The following TTLL7 variants were observed in gnomAD, a reference collection of about 807,000 sequenced individuals.
TTLL7 encodes tubulin polyglutamylase TTLL7.
TTLL7 carries 53 observed loss-of-function variants against 120.2 expected under a neutral mutation model. The observed-to-expected ratio is 0.44, with a 90% confidence interval of 0.35 to 0.55. The LOEUF (loss-of-function observed/expected upper bound fraction) is 0.55. Among genes scored for constraint, TTLL7 ranks in the 20% least tolerant of loss-of-function variants. TTLL7 has a pLI of 0.00. For missense variants in TTLL7, 803 were observed against 1,054.7 expected (o/e 0.76, Z 3.31); for synonymous variants, 353 against 351.7 (o/e 1.00, Z -0.04).
At chr1:83,952,095 TC>T in intron 2 of TTLL7, 91 bp downstream of exon 2, 1 of 1,501,734 alleles carries the variant, frequency 6.7e-7, no homozygotes, top group Non-Finnish European at 9.2e-7. Flanking sequence ...CTTTAAAAAG[TC>T]CCCAATTAAT....
chr1:83,932,735 A>C (rs2100821681), intron 9 of TTLL7, among the ~76,000 whole-genome samples: 1 of 152,250 alleles, frequency 6.6e-6, no homozygotes, highest in African/African-American at 2.4e-5. Context: ...AAAAAGAGAG[A>C]TACTTGATTT....
chr1:83,992,349 G>A (rs747808717), intron 1 of TTLL7, among the ~76,000 whole-genome samples: 11 of 151,804 alleles, frequency 7.2e-5, no homozygotes, highest in Non-Finnish European at 1.3e-4. Flanking sequence ...TAACTAAGGG[G>A]GAAGCTGATG....
chr1:83,991,059 T>G (rs1357484772), intron 1 of TTLL7, among the ~76,000 whole-genome samples: 1 of 152,166 alleles, frequency 6.6e-6, no homozygotes, highest in Non-Finnish European at 1.5e-5. Context: ...TGGATGAACT[T>G]GGAGGACATT....
At chr1:83,884,593 A>G (rs1654810682) in intron 19 of TTLL7, among the ~76,000 whole-genome samples, 1 of 151,678 alleles carries the variant, frequency 6.6e-6, no homozygotes, top group Non-Finnish European at 1.5e-5. Flanking sequence ...AATGTTCAGG[A>G]CTAAATATAA....
intron 10 of TTLL7, among the ~76,000 whole-genome samples, chr1:83,928,436 A>C (rs1230365571): frequency 6.6e-6 from 1 of 152,158 alleles, no homozygotes; most frequent in African/African-American, 2.4e-5. Flanking sequence ...TCAGTCAAAC[A>C]TCTAAAAAAT....
At chr1:83,894,663 T>C (rs577149314) in intron 18 of TTLL7, among the ~76,000 whole-genome samples, 34 of 152,150 alleles carry the variant, frequency 2.2e-4, no homozygotes, top group African/African-American at 7.5e-4. Context: ...ATGCTTCTGC[T>C]CCATTCCTAA....
intron 1 of TTLL7, among the ~76,000 whole-genome samples, chr1:83,975,101 T>C (rs1651343191): frequency 6.6e-6 from 1 of 152,136 alleles, no homozygotes; most frequent in Admixed American, 6.6e-5. Context: ...ATAAAAATGC[T>C]AGCTATACAT....
rs187088065 is a variant in TTLL7, at chr1:83,943,938, A to T, written c.507-1259T>A. Among the ~76,000 whole-genome samples the T allele has an allele frequency of 2.6e-5, 4 of 152,280 alleles. No individual in the cohort carries two copies. In the East Asian group the frequency reaches 7.7e-4, roughly 29 times the overall value. ...GTGTCTCACTAAATAAGGAATATGAATAGTGATAGAAAATTGGGAAAAAAT... is the reference window on the plus strand; with the variant it reads ...GTGTCTCACTAAATAAGGAATATGATTAGTGATAGAAAATTGGGAAAAAAT... On this transcript the variant is annotated intron_variant, in intron 6 of 20. Transcript: ENST00000260505.
intron 14 of TTLL7, among the ~76,000 whole-genome samples, chr1:83,915,968 C>A (rs1401672595): frequency 6.6e-6 from 1 of 152,056 alleles, no homozygotes; most frequent in East Asian, 1.9e-4. Context: ...TTAGAATGGC[C>A]ATCAGTAAAA....
intron 1 of TTLL7, among the ~76,000 whole-genome samples, chr1:83,990,167 C>CTTTTTTT (rs35374044): frequency 8.6e-6 from 1 of 116,936 alleles, no homozygotes; most frequent in East Asian, 2.4e-4. Flanking sequence ...ATTTGGATGC[C>CTTTTTTT]TTTTTTTTTT....
intron 17 of TTLL7, among the ~76,000 whole-genome samples, chr1:83,904,738 C>T (rs543545204): frequency 1.3e-5 from 2 of 152,192 alleles, no homozygotes; most frequent in African/African-American, 4.8e-5. Context: ...ATTTTAGAGG[C>T]TGATTTATCA....
At chr1:83,933,553 A>G in intron 9 of TTLL7, 55 bp downstream of exon 9, 1 of 1,550,756 alleles carries the variant, frequency 6.4e-7, no homozygotes, top group Non-Finnish European at 8.7e-7. Flanking sequence ...TAAAGCATTT[A>G]TTTTAATACG....
At chr1:83,898,770 T>C (rs1026965915) in intron 18 of TTLL7, among the ~76,000 whole-genome samples, 10 of 151,802 alleles carry the variant, frequency 6.6e-5, no homozygotes, top group Non-Finnish European at 1.5e-4. Context: ...GCTAAACACA[T>C]TTAAATTTGT....
At chr1:83,984,796 G>A (rs1310725689) in intron 1 of TTLL7, among the ~76,000 whole-genome samples, 3 of 152,070 alleles carry the variant, frequency 2.0e-5, no homozygotes, top group South Asian at 2.1e-4. Context: ...GGAGGGGGAC[G>A]TGGGCTGAAA....
chr1:83,952,339 G>T lies in TTLL7; in HGVS notation c.-128C>A. The T allele has an allele frequency of 1.1e-6, 1 of 918,920 alleles. No individual in the cohort carries two copies. The highest frequency in any genetic ancestry group is 1.6e-6 in the Non-Finnish European group (1 of 622,342). 56.9% of individuals were successfully genotyped at this position (918,920 alleles called of 1,614,324 possible). A position where few individuals can be genotyped will look rare whatever the true frequency, so the allele number is the denominator to read the frequency against. ...TGAAAGTTCTTATCATATTATCTTG[G>T]TGGAATCCTCAGATTTCAGGATACC... On this transcript the variant is annotated 5_prime_UTR_variant, in exon 2 of 21. Transcript: ENST00000260505.
intron 10 of TTLL7, 122 bp from the exon 11 acceptor site, chr1:83,921,516 T>C (rs1354407056): frequency 9.9e-7 from 1 of 1,005,990 alleles, no homozygotes; most frequent in Non-Finnish European, 1.4e-6. Context: ...ATTAAACTTA[T>C]ATATTCACTT....
At chr1:83,907,258 T>A (rs989656536) in intron 16 of TTLL7, among the ~76,000 whole-genome samples, 198 bp downstream of exon 16, 1 of 152,156 alleles carries the variant, frequency 6.6e-6, no homozygotes, top group African/African-American at 2.4e-5. Context: ...CTTTGAGTTC[T>A]GTGATAGAGT....
At chr1:83,900,206 A>AGC (rs966702817) in intron 18 of TTLL7, 4 of 435,030 alleles carry the variant, frequency 9.2e-6, no homozygotes, top group African/African-American at 8.2e-5. Context: ...TAAGGAAAGA[A>AGC]GACTACAGAA....
intron 19 of TTLL7, 61 bp from the exon 20 acceptor site, chr1:83,883,197 T>G: frequency 7.2e-7 from 1 of 1,392,304 alleles, no homozygotes. Context: ...ACCAGCTATA[T>G]ATCACTTCCC....
Sources: allele counts gnomAD v4.1 joint callset (sites outside exome capture counted in the v4.1 genomes callset), GRCh38; gene constraint gnomAD v4.1.1; transcripts MANE v1.5; gene names NCBI Gene and HGNC (gene_info 2026-07-23, HGNC 2026-07-21).